Variants in FAM210A observed in about 807,000 individuals in gnomAD.
FAM210A encodes family with sequence similarity 210 member A.
In FAM210A, 13 loss-of-function variants were observed where a neutral mutation model predicts 25.3. The ratio of observed to expected loss-of-function variants is 0.51; its 90% CI spans 0.33 to 0.82. The LOEUF (loss-of-function observed/expected upper bound fraction) is 0.82, where lower values mean the gene tolerates loss of function less well. Among genes scored for constraint, FAM210A ranks in the 40% least tolerant of loss-of-function variants. FAM210A has a pLI of 0.02. For missense variants in FAM210A, 319 were observed against 323.2 expected (o/e 0.99, Z 0.10); for synonymous variants, 125 against 118.7 (o/e 1.05, Z -0.35).
intron 3 of FAM210A, among the ~76,000 whole-genome samples, chr18:13,669,773 CA>C (rs2043427671): frequency 6.6e-6 from 1 of 152,186 alleles, no homozygotes; most frequent in Admixed American, 6.5e-5. Context: ...ACCTAGCACA[CA>C]GCAGAGGATG....
At chr18:13,698,265 T>C (rs531739322) in intron 1 of FAM210A, among the ~76,000 whole-genome samples, 5 of 148,258 alleles carry the variant, frequency 3.4e-5, no homozygotes, top group South Asian at 4.3e-4. Context: ...GGCGGAAGAA[T>C]TGCTTGAACC....
At chr18:13,674,080 C>T (rs1399421206) in intron 2 of FAM210A, among the ~76,000 whole-genome samples, 2 of 150,202 alleles carry the variant, frequency 1.3e-5, no homozygotes, top group Non-Finnish European at 3.0e-5. Context: ...ATTATAATTC[C>T]TGAGCCCTGG....
intron 1 of FAM210A, among the ~76,000 whole-genome samples, chr18:13,708,563 C>T (rs1214491772): frequency 1.3e-5 from 2 of 152,188 alleles, no homozygotes; most frequent in Non-Finnish European, 2.9e-5. Flanking sequence ...ATTAATAAAA[C>T]GTACTCCTAT....
intron 1 of FAM210A, among the ~76,000 whole-genome samples, chr18:13,715,971 A>G (rs2043858643): frequency 6.6e-6 from 1 of 152,202 alleles, no homozygotes; most frequent in South Asian, 2.1e-4. Context: ...AAATGATGAA[A>G]ATGTTCTATA....
intron 1 of FAM210A, among the ~76,000 whole-genome samples, chr18:13,686,900 C>A (rs1041844174): frequency 2.6e-5 from 4 of 152,292 alleles, no homozygotes; most frequent in African/African-American, 7.2e-5. Context: ...AGAAGACTAA[C>A]TCATTCCATG....
At chr18:13,685,115 G>A (rs1412466000) in intron 1 of FAM210A, among the ~76,000 whole-genome samples, 1 of 152,068 alleles carries the variant, frequency 6.6e-6, no homozygotes, top group Non-Finnish European at 1.5e-5. Flanking sequence ...AAGGGGTCTG[G>A]GGAGTCACAC....
intron 1 of FAM210A, among the ~76,000 whole-genome samples, chr18:13,723,982 T>C (rs893917169): frequency 7.9e-5 from 12 of 152,210 alleles, no homozygotes; most frequent in Non-Finnish European, 1.2e-4. Context: ...TATAACATTG[T>C]TTCTACATTT....
In FAM210A at chr18:13,681,746, T is replaced by A. The variant is rs755471515; in HGVS notation, c.332A>T (p.Glu111Val). 1.9e-6 allele frequency: 3 copies of A among 1,614,212 alleles called. No homozygotes were observed. The highest frequency in any genetic ancestry group is 3.3e-5 in the Admixed American group (2 of 60,028). Residue 111 changes from glutamate (E) to valine (V), a missense_variant, in exon 2 of 4, where the codon GAG becomes GTG. Physicochemically the swap from Glu to Val is moderately radical, Grantham distance 121 (BLOSUM62 -2). Coordinates refer to ENST00000651643, the MANE Select transcript of FAM210A (RefSeq NM_152352.4). ...AGATTTGTCTTGCAAAGGATCAGGC[T>A]CTTCCTTTTTTTCCGGAGTTCCCTG... is the stretch of plus-strand genomic sequence containing the variant. The part of the protein sequence containing the change: ...TAQGTPEKKE[E>V]PDPLQDKSIS...
At chr18:13,702,957 A>G (rs2043752601) in intron 1 of FAM210A, among the ~76,000 whole-genome samples, 1 of 152,228 alleles carries the variant, frequency 6.6e-6, no homozygotes, top group African/African-American at 2.4e-5. Context: ...TTTTTAAAAA[A>G]AAGACCACTG....
chr18:13,676,889 C>A (rs2043508429), intron 2 of FAM210A, among the ~76,000 whole-genome samples: 1 of 152,086 alleles, frequency 6.6e-6, no homozygotes, highest in African/African-American at 2.4e-5. Flanking sequence ...TCCACCTCAG[C>A]ACATCACAAC....
intron 1 of FAM210A, among the ~76,000 whole-genome samples, chr18:13,686,816 C>T (rs920585945): frequency 6.6e-6 from 1 of 151,924 alleles, no homozygotes; most frequent in Non-Finnish European, 1.5e-5. Flanking sequence ...AAAAAAGATC[C>T]CAGGCTGAGG....
chr18:13,686,424 G>A (rs907822459), intron 1 of FAM210A, among the ~76,000 whole-genome samples: 2 of 152,128 alleles, frequency 1.3e-5, no homozygotes, highest in African/African-American at 2.4e-5. Flanking sequence ...TCAATGCTAC[G>A]TCTGTAAACC....
intron 1 of FAM210A, among the ~76,000 whole-genome samples, chr18:13,711,026 A>G (rs1156496378): frequency 2.6e-5 from 4 of 152,166 alleles, no homozygotes; most frequent in Non-Finnish European, 5.9e-5. Flanking sequence ...GTAGGTCTTT[A>G]TGTGATGTTT....
At chr18:13,672,649 C>G (rs745504186) in intron 2 of FAM210A, among the ~76,000 whole-genome samples, 1 of 152,152 alleles carries the variant, frequency 6.6e-6, no homozygotes, top group Non-Finnish European at 1.5e-5. Flanking sequence ...ACCTCATGAT[C>G]TGCCCGCCGC....
intron 1 of FAM210A, among the ~76,000 whole-genome samples, chr18:13,723,825 ATATTT>A (rs1293904399): frequency 6.6e-6 from 1 of 152,212 alleles, no homozygotes; most frequent in African/African-American, 2.4e-5. Flanking sequence ...TTAAACAATA[ATATTT>A]TATTTGTTCC....
chr18:13,671,717 A>T, intron 3 of FAM210A, 145 bp downstream of exon 3: 1 of 456,736 alleles, frequency 2.2e-6, no homozygotes, highest in Non-Finnish European at 3.9e-6. Context: ...AAATTATCTT[A>T]CATTATTCAC....
At chr18:13,695,812 G>A (rs1442946098) in intron 1 of FAM210A, among the ~76,000 whole-genome samples, 1 of 152,034 alleles carries the variant, frequency 6.6e-6, no homozygotes. Flanking sequence ...GTATACATAT[G>A]TAACAAACCG....
At chr18:13,699,973 T>C (rs1329387990) in intron 1 of FAM210A, among the ~76,000 whole-genome samples, 2 of 152,232 alleles carry the variant, frequency 1.3e-5, no homozygotes, top group African/African-American at 2.4e-5. Context: ...TCACACTCAA[T>C]GTAGAATACT....
chr18:13,667,945 C>T (rs2043414229), intron 3 of FAM210A, among the ~76,000 whole-genome samples: 1 of 152,168 alleles, frequency 6.6e-6, no homozygotes, highest in Admixed American at 6.5e-5. Flanking sequence ...TGCCTGTAGT[C>T]CCAGCTACTT....
Sources: allele counts gnomAD v4.1 joint callset (sites outside exome capture counted in the v4.1 genomes callset), GRCh38; gene constraint gnomAD v4.1.1; transcripts MANE v1.5; gene names NCBI Gene and HGNC (gene_info 2026-07-23, HGNC 2026-07-21).